CCDC91: variants seen among roughly 807,000 people sequenced by gnomAD.
CCDC91 encodes the protein coiled-coil domain-containing protein 91.
Under a neutral mutation model 63.2 loss-of-function variants are expected in CCDC91, and 48 were observed. That is an observed-to-expected ratio of 0.76 (90% CI 0.60 to 0.97). CCDC91 has a LOEUF of 0.97. Among genes scored for constraint, CCDC91 ranks in the 50% least tolerant of loss-of-function variants. The pLI is 0.00. For synonymous variants in CCDC91, 167 were observed against 165.8 expected (o/e 1.01, Z -0.06); for missense variants, 500 against 494.6 (o/e 1.01, Z -0.10).
intron 8 of CCDC91, among the ~76,000 whole-genome samples, chr12:28,433,845 A>G (rs1948757914): frequency 6.6e-6 from 1 of 151,886 alleles, no homozygotes; most frequent in East Asian, 1.9e-4. Context: ...ATCTCAGAAT[A>G]TTTCTCTATT....
chr12:28,370,266 T>G (rs985623586), intron 7 of CCDC91, among the ~76,000 whole-genome samples: 2 of 152,218 alleles, frequency 1.3e-5, no homozygotes, highest in African/African-American at 4.8e-5. Context: ...ACTTCTAGAA[T>G]GCTTTGCTGC....
At chr12:28,244,991 A>G (rs1453354607) in intron 1 of CCDC91, among the ~76,000 whole-genome samples, 1 of 152,178 alleles carries the variant, frequency 6.6e-6, no homozygotes, top group Non-Finnish European at 1.5e-5. Context: ...ACATTGAAAT[A>G]GTATCATAGA....
At position 28,267,696 on chromosome 12, in the gene CCDC91, A is replaced by C. The variant is rs184253421; in HGVS notation, c.109+8254A>C. Among the ~76,000 whole-genome samples the C allele has an allele frequency of 3.0e-3, 354 of 118,146 alleles. 8 individuals carry two copies. The highest frequency in any genetic ancestry group is 0.011 in the African/African-American group (326 of 30,602). The allele number at this position is 118,146 out of a possible 152,430, so 77.5% of individuals were successfully genotyped here. On this transcript the variant is annotated intron_variant, in intron 3 of 12. Coordinates refer to ENST00000536442, the MANE Select transcript of CCDC91 (RefSeq NM_018318.5). ...ATATTATATGTTATATAAATTATTT[A>C]TTATATATAATTATATAATTATATA...
chr12:28,405,722 A>G (rs1322564594), intron 8 of CCDC91, among the ~76,000 whole-genome samples: 1 of 152,048 alleles, frequency 6.6e-6, no homozygotes, highest in Non-Finnish European at 1.5e-5. Flanking sequence ...AAAGTTCTGT[A>G]TTTTGGTTTT....
intron 12 of CCDC91, among the ~76,000 whole-genome samples, chr12:28,524,430 C>T (rs1941064049): frequency 6.6e-6 from 1 of 151,968 alleles, no homozygotes; most frequent in East Asian, 1.9e-4. Context: ...TTAAACTATC[C>T]CTGCATCCCT....
intron 1 of CCDC91, among the ~76,000 whole-genome samples, chr12:28,228,842 C>T (rs932010274): frequency 2.0e-5 from 3 of 152,078 alleles, no homozygotes; most frequent in Non-Finnish European, 4.4e-5. Context: ...TGATTGTTCA[C>T]CTCTACCAAG....
At chr12:28,474,532 C>T (rs940753029) in intron 11 of CCDC91, among the ~76,000 whole-genome samples, 1 of 151,862 alleles carries the variant, frequency 6.6e-6, no homozygotes, top group East Asian at 1.9e-4. Context: ...TTTTAAGCCA[C>T]TAAAGATTAA....
At chr12:28,288,899 G>A (rs1021844016) in intron 3 of CCDC91, among the ~76,000 whole-genome samples, 3 of 152,104 alleles carry the variant, frequency 2.0e-5, no homozygotes, top group Non-Finnish European at 4.4e-5. Flanking sequence ...TTTCTTGCTG[G>A]TTCAGTCTTA....
At chr12:28,452,767 A>T in intron 11 of CCDC91, 113 bp downstream of exon 11, 1 of 422,304 alleles carries the variant, frequency 2.4e-6, no homozygotes, top group Non-Finnish European at 4.1e-6. Context: ...GATATTTATG[A>T]CTTTTTAATT....
intron 12 of CCDC91, among the ~76,000 whole-genome samples, chr12:28,507,487 T>G (rs1042151606): frequency 6.6e-6 from 1 of 151,980 alleles, no homozygotes; most frequent in Non-Finnish European, 1.5e-5. Flanking sequence ...TTCTAATCAC[T>G]AAAGTAAGTA....
chr12:28,268,597 C>A lies in CCDC91; in HGVS notation c.109+9155C>A, dbSNP rs118008452. 8.5e-3 allele frequency: 7,958 copies of A among 938,448 alleles called. 49 individuals are homozygous for A. The highest frequency in any genetic ancestry group is 9.5e-3 in the Non-Finnish European group (7,482 of 787,200). 58.1% of individuals were successfully genotyped at this position (938,448 alleles called of 1,614,324 possible). ...CAGTCTCCCCTTTGGTTCTGGAATT[C>A]TTCTTGTTCGTTAGAATGAGGGCTC... On this transcript the variant is annotated intron_variant, in intron 3 of 12. Transcript: ENST00000536442.
chr12:28,520,080 A>G (rs1247143812), intron 12 of CCDC91, among the ~76,000 whole-genome samples: 1 of 152,096 alleles, frequency 6.6e-6, no homozygotes, highest in East Asian at 1.9e-4. Context: ...TCCTTTGGGT[A>G]TATGCCCAGT....
chr12:28,432,116 G>A (rs1345367222), intron 8 of CCDC91, among the ~76,000 whole-genome samples: 1 of 151,854 alleles, frequency 6.6e-6, no homozygotes, highest in East Asian at 1.9e-4. Flanking sequence ...CAAGATACAT[G>A]TGCAGGATGT....
At position 28,483,064 on chromosome 12, in the gene CCDC91, G is replaced by C. The variant is rs192099370; in HGVS notation, c.1102-988G>C. ...TATATATATGTGTGTCTTTCTTTGT[G>C]TTTGTATTTTTCCACGTTTCCATTT... On this transcript the variant is annotated intron_variant, in intron 11 of 12. Coordinates refer to ENST00000536442, the MANE Select transcript of CCDC91 (RefSeq NM_018318.5). Among the ~76,000 whole-genome samples, 114 of 151,970 alleles carry C rather than the reference G, an allele frequency of 7.5e-4. 2 individuals carry two copies. Among genetic ancestry groups the C allele is most frequent in the East Asian group, 3.9e-4 (2 of 5,170 alleles).
intron 12 of CCDC91, among the ~76,000 whole-genome samples, chr12:28,538,528 CCA>C (rs1942371794): frequency 6.6e-6 from 1 of 151,844 alleles, no homozygotes; most frequent in Non-Finnish European, 1.5e-5. Flanking sequence ...TTGGTTGGTT[CCA>C]AGTCTTTGCT....
chr12:28,196,850 A>G (rs539236190), intron 1 of CCDC91, among the ~76,000 whole-genome samples: 1 of 152,216 alleles, frequency 6.6e-6, no homozygotes, highest in South Asian at 2.1e-4. Context: ...AATTGTTAAT[A>G]TTGTTTTATA....
At chr12:28,445,736 G>T (rs1949464750) in intron 8 of CCDC91, among the ~76,000 whole-genome samples, 1 of 152,134 alleles carries the variant, frequency 6.6e-6, no homozygotes, top group Non-Finnish European at 1.5e-5. Flanking sequence ...CAAGATCAAG[G>T]TTTCTGCTGA....
intron 3 of CCDC91, among the ~76,000 whole-genome samples, chr12:28,304,153 C>T (rs563626410): frequency 7.6e-4 from 115 of 151,422 alleles, no homozygotes; most frequent in Non-Finnish European, 1.4e-3. Flanking sequence ...CCGAGGCGGG[C>T]GGATCATGAG....
chr12:28,386,550 G>A (rs1265274486), intron 7 of CCDC91, among the ~76,000 whole-genome samples: 3 of 152,028 alleles, frequency 2.0e-5, no homozygotes, highest in Non-Finnish European at 2.9e-5. Flanking sequence ...TGTATTTTTA[G>A]TAGAGATGGG....
Sources: allele counts gnomAD v4.1 joint callset (sites outside exome capture counted in the v4.1 genomes callset), GRCh38; gene constraint gnomAD v4.1.1; transcripts MANE v1.5; gene names NCBI Gene and HGNC (gene_info 2026-07-23, HGNC 2026-07-21).